DAAM1: variants seen among roughly 807,000 people sequenced by gnomAD.
DAAM1 encodes the protein dishevelled associated activator of morphogenesis 1, also known as disheveled-associated activator of morphogenesis 1.
A neutral mutation model predicts 130.0 loss-of-function variants in DAAM1; 52 were observed. That is an observed-to-expected ratio of 0.40 (90% CI 0.32 to 0.50). The LOEUF is 0.50. Ranked by LOEUF, DAAM1 falls within the 20% of genes least tolerant of loss-of-function variation. The pLI, the probability that DAAM1 is intolerant of heterozygous loss-of-function variation, is 0.61. For missense variants in DAAM1, 1,134 were observed against 1,303.8 expected, an observed-to-expected ratio of 0.87 and a Z score of 2.01; for synonymous variants, 452 against 444.5, an observed-to-expected ratio of 1.02 and a Z score of -0.21.
Position 59,340,097 on chromosome 14 carries a change from C to T in DAAM1, c.1992C>T (p.Asp664=). The T allele has an allele frequency of 1.2e-6, 2 of 1,613,626 alleles. No homozygotes were observed. The highest frequency in any genetic ancestry group is 1.1e-5 in the South Asian group (1 of 91,064). The change falls in exon 16 of 25, where the codon GAC becomes GAT. Residue 664 remains aspartate, a synonymous_variant. Transcript: ENST00000360909. ...AGAAAGAAGCAGATGCCATTGATGA[C>T]ACTCTGAGTTCCAAACTTAAAGTTA... ...RQQKEADAID[D]TLSSKLKVKE... is the part of the protein sequence containing the mutation.
intron 16 of DAAM1, among the ~76,000 whole-genome samples, chr14:59,344,789 G>A (rs1161321942): frequency 2.6e-5 from 4 of 152,156 alleles, no homozygotes; most frequent in Admixed American, 6.5e-5. Context: ...AAGAAGTTCT[G>A]TGCTCCATAT....
intron 15 of DAAM1, among the ~76,000 whole-genome samples, chr14:59,335,486 A>G (rs954684779): frequency 4.6e-5 from 7 of 152,212 alleles, no homozygotes; most frequent in African/African-American, 1.7e-4. Flanking sequence ...CAATTAAACA[A>G]TATTCATCTC....
chr14:59,286,036 A>G (rs1423222815), intron 2 of DAAM1, among the ~76,000 whole-genome samples: 1 of 152,208 alleles, frequency 6.6e-6, no homozygotes, highest in Non-Finnish European at 1.5e-5. Flanking sequence ...AACAAATCTC[A>G]GCAAATTCAG....
intron 17 of DAAM1, 116 bp downstream of exon 17, chr14:59,347,739 A>C: frequency 1.0e-6 from 1 of 975,314 alleles, no homozygotes. Context: ...TGAATTGAGG[A>C]GGCTGAACCA....
At chr14:59,216,203 A>G (rs1888575315) in intron 1 of DAAM1, among the ~76,000 whole-genome samples, 1 of 152,052 alleles carries the variant, frequency 6.6e-6, no homozygotes. Flanking sequence ...TGAGGAGAGG[A>G]CCCTGCATTC....
At position 59,370,639 on chromosome 14, in the gene DAAM1, A is replaced by C. The variant is rs1887130892; in HGVS notation, c.*1780A>C. The C allele has an allele frequency of 6.6e-6, 1 of 152,144 alleles. No homozygotes were observed. Among genetic ancestry groups the C allele is most frequent in the African/African-American group, 2.4e-5 (1 of 41,448 alleles). 9.4% of individuals were successfully genotyped at this position (152,144 alleles called of 1,614,324 possible). A position where few individuals can be genotyped will look rare whatever the true frequency, so the allele number is the denominator to read the frequency against. On this transcript the variant is annotated 3_prime_UTR_variant, in exon 25 of 25. Coordinates refer to ENST00000360909, the MANE Select transcript of DAAM1 (RefSeq NM_001270520.2). ...CTTTCTACACACTATATGGAAATAA[A>C]TGACTAGCAAATAAAACAGTCATAA... is the stretch of plus-strand genomic sequence containing the variant.
intron 12 of DAAM1, among the ~76,000 whole-genome samples, chr14:59,330,204 C>T (rs142057833): frequency 6.6e-6 from 1 of 152,348 alleles, no homozygotes; most frequent in African/African-American, 2.4e-5. Context: ...CAAACAGTTA[C>T]CATTCTCCTC....
At chr14:59,190,371 T>G (rs61986013) in intron 1 of DAAM1, among the ~76,000 whole-genome samples, 1 of 152,074 alleles carries the variant, frequency 6.6e-6, no homozygotes, top group African/African-American at 2.4e-5. Flanking sequence ...AGCCGCATCA[T>G]TTCCCCAATA....
chr14:59,230,841 C>G (rs1445340282), intron 1 of DAAM1, among the ~76,000 whole-genome samples: 2 of 152,182 alleles, frequency 1.3e-5, no homozygotes, highest in East Asian at 3.9e-4. Context: ...ACATCTAATG[C>G]ACCTCACAGA....
chr14:59,326,715 C>A (rs1260760003), intron 11 of DAAM1, 67 bp downstream of exon 11: 1 of 1,581,694 alleles, frequency 6.3e-7, no homozygotes, highest in Non-Finnish European at 8.6e-7. Flanking sequence ...TTTTATCCTA[C>A]TTCAGAGTAA....
chr14:59,231,687 C>T (rs1449025834), intron 1 of DAAM1, among the ~76,000 whole-genome samples: 2 of 152,078 alleles, frequency 1.3e-5, no homozygotes, highest in Non-Finnish European at 2.9e-5. Context: ...TAATAAAACT[C>T]ACATCACCGG....
intron 1 of DAAM1, among the ~76,000 whole-genome samples, chr14:59,262,764 C>T (rs187742374): frequency 4.0e-5 from 6 of 151,560 alleles, no homozygotes; most frequent in Admixed American, 3.3e-4. Context: ...AAATTTCTGG[C>T]CCATCTAGCT....
intron 1 of DAAM1, among the ~76,000 whole-genome samples, chr14:59,238,209 G>A (rs1315197112): frequency 6.6e-6 from 1 of 152,146 alleles, no homozygotes; most frequent in Non-Finnish European, 1.5e-5. Context: ...AGTAGAGATA[G>A]GGAGTGGCTG....
At chr14:59,262,075 A>G (rs1882185900) in intron 1 of DAAM1, among the ~76,000 whole-genome samples, 1 of 148,350 alleles carries the variant, frequency 6.7e-6, no homozygotes, top group Non-Finnish European at 1.5e-5. Context: ...TTTTAACCTC[A>G]TCTCTTTTTT....
intron 3 of DAAM1, among the ~76,000 whole-genome samples, chr14:59,297,818 T>C (rs1884011737): frequency 6.6e-6 from 1 of 152,208 alleles, no homozygotes; most frequent in African/African-American, 2.4e-5. Context: ...ATCATAGGTA[T>C]GTATGTATGG....
intron 11 of DAAM1, 95 bp from the exon 12 acceptor site, chr14:59,326,838 C>G: frequency 6.4e-7 from 1 of 1,555,398 alleles, no homozygotes; most frequent in South Asian, 1.1e-5. Flanking sequence ...TGAGGATTTT[C>G]TCTGCAGTAG....
intron 1 of DAAM1, among the ~76,000 whole-genome samples, chr14:59,254,079 G>T (rs1341622879): frequency 2.0e-5 from 3 of 152,174 alleles, no homozygotes; most frequent in Non-Finnish European, 4.4e-5. Flanking sequence ...TGTTTGGGAA[G>T]ATCTGAAGCC....
chr14:59,351,660 A>G (rs1299484483), intron 17 of DAAM1, among the ~76,000 whole-genome samples: 2 of 152,174 alleles, frequency 1.3e-5, no homozygotes, highest in Non-Finnish European at 2.9e-5. Context: ...CCCTCAGTTA[A>G]ATCCAACAAA....
At chr14:59,331,619 G>A (rs1483886855) in intron 14 of DAAM1, 111 bp downstream of exon 14, 23 of 1,510,400 alleles carry the variant, frequency 1.5e-5, no homozygotes, top group Non-Finnish European at 2.0e-5. Flanking sequence ...TTTCTAATGT[G>A]GACCAAGAGT....
Sources: gnomAD v4.1 joint callset for allele counts (sites outside exome capture counted in the v4.1 genomes callset) on GRCh38, gnomAD v4.1.1 for gene constraint, MANE v1.5 for transcripts, NCBI Gene and HGNC (gene_info 2026-07-23, HGNC 2026-07-21) for gene names.